The following VPS35 variants were observed in gnomAD, a reference collection of about 807,000 sequenced individuals.
VPS35 encodes VPS35 retromer complex component.
A neutral mutation model predicts 98.1 loss-of-function variants in VPS35; 21 were observed. The observed-to-expected ratio is 0.21, with a 90% CI of 0.15 to 0.31. The LOEUF (loss-of-function observed/expected upper bound fraction) is 0.31. Ranked by LOEUF, VPS35 falls within the 10% of genes least tolerant of loss-of-function variation. The probability of loss-of-function intolerance (pLI) is 1.00; values close to 1 mark genes in which losing one functional copy is unlikely to be tolerated. For synonymous variants in VPS35, 268 were observed against 318.2 expected (o/e 0.84, Z 1.68); for missense variants, 554 against 950.8 (o/e 0.58, Z 5.49).
At chr16:46,672,526 C>G in intron 10 of VPS35, 54 bp from the exon 11 acceptor site, 1 of 1,480,412 alleles carries the variant, frequency 6.8e-7, no homozygotes, top group African/African-American at 1.4e-5. Context: ...TCTATATACA[C>G]AAATAGCATT....
intron 6 of VPS35, among the ~76,000 whole-genome samples, chr16:46,678,175 T>C (rs2086958783): frequency 6.6e-6 from 1 of 152,230 alleles, no homozygotes; most frequent in Admixed American, 6.5e-5. Flanking sequence ...CACTTCCATA[T>C]TGCCTGTGGG....
chr16:46,688,894 A>C, intron 1 of VPS35: 3 of 1,448,514 alleles, frequency 2.1e-6, no homozygotes, highest in Non-Finnish European at 2.7e-6. Context: ...CCCCACAGAG[A>C]GGCCGCCCCG....
At chr16:46,671,888 A>G (rs753416142) in intron 11 of VPS35, 28 bp from the exon 12 acceptor site, 18 of 1,611,480 alleles carry the variant, frequency 1.1e-5, no homozygotes, top group Non-Finnish European at 1.4e-5. Context: ...CAAGAAACCC[A>G]CTGAGGTGAA....
At chr16:46,683,283 T>C in intron 2 of VPS35, 1 of 580,846 alleles carries the variant, frequency 1.7e-6, no homozygotes. Flanking sequence ...GCTTGTATTC[T>C]AGTAGGGAAG....
chr16:46,665,527 C>T (rs1965974889), intron 13 of VPS35, among the ~76,000 whole-genome samples: 1 of 149,136 alleles, frequency 6.7e-6, no homozygotes, highest in South Asian at 2.1e-4. Flanking sequence ...CCTAAGAGTT[C>T]GAAGCTGCAG....
At chr16:46,669,289 G>A (rs1966034573) in intron 12 of VPS35, 1 of 541,634 alleles carries the variant, frequency 1.8e-6, no homozygotes, top group Non-Finnish European at 3.3e-6. Flanking sequence ...TGTATAACCT[G>A]CCCAAGGTAG....
intron 5 of VPS35, 102 bp from the exon 6 acceptor site, chr16:46,679,258 GC>G: frequency 9.3e-7 from 1 of 1,076,948 alleles, no homozygotes; most frequent in East Asian, 2.6e-5. Flanking sequence ...GTACACCAAT[GC>G]TTTATAAAAA....
At chr16:46,680,923 C>G in intron 4 of VPS35, 70 bp from the exon 5 acceptor site, 1 of 1,453,264 alleles carries the variant, frequency 6.9e-7, no homozygotes, top group Non-Finnish European at 9.6e-7. Flanking sequence ...TCCAAACACA[C>G]TGAACAAAAC....
At position 46,683,548 on chromosome 16, in the gene VPS35, T is replaced by C. The variant is rs1192520905; in HGVS notation, c.62A>G (p.Gln21Arg). Reference sequence around the variant, plus strand: ...TTGGAATGACTGGACCTTCACAGCCTGTATGGCTTCATCCAAGAGCTTTTC... The same window carrying C: ...TTGGAATGACTGGACCTTCACAGCCCGTATGGCTTCATCCAAGAGCTTTTC... ...EQEKLLDEAI[Q>R]AVKVQSFQMK... The change falls in exon 2 of 17, where the codon CAG becomes CGG. Residue 21 changes from glutamine to arginine, a missense_variant. Physicochemically the swap from Gln to Arg is conservative, Grantham distance 43. Around this residue, in one of 5 missense-constraint regions of VPS35, gnomAD observed 67 missense variants for 103.3 expected, o/e 0.65. Transcript: ENST00000299138. 7 of 1,614,098 alleles carry C rather than the reference T, an allele frequency of 4.3e-6. No individual in the cohort carries two copies. The highest frequency in any genetic ancestry group is 2.2e-5 in the East Asian group (1 of 44,888).
In VPS35 at chr16:46,661,948, T is replaced by C. The variant is rs1965920369; in HGVS notation, c.2068-87A>G. ...GAAACACAACACTACCGTGGCTCTT[T>C]CGTGTTTTAAAGGGACATAACAAAT... On this transcript the variant is annotated intron_variant, in intron 15 of 16. Coordinates refer to ENST00000299138, the MANE Select transcript of VPS35 (RefSeq NM_018206.6). The surrounding 1 kb of genome is among the most constrained non-coding windows in gnomAD (Gnocchi z 4.3). 5 of 1,575,128 alleles carry C rather than the reference T, an allele frequency of 3.2e-6. No individual in the cohort carries two copies. The East Asian group carries it at 6.7e-5, about 21-fold the overall frequency.
At chr16:46,677,001 T>C (rs1966161375) in intron 7 of VPS35, among the ~76,000 whole-genome samples, 1 of 152,100 alleles carries the variant, frequency 6.6e-6, no homozygotes, top group South Asian at 2.1e-4. Context: ...AAAATTCCTA[T>C]TTTTAAATTA....
At chr16:46,676,522 A>C (rs1966155212) in intron 8 of VPS35, 61 bp downstream of exon 8, 1 of 1,028,526 alleles carries the variant, frequency 9.7e-7, no homozygotes, top group Non-Finnish European at 1.5e-6. Context: ...ATTCAAAAAA[A>C]TGTTTAAAAT....
At position 46,660,461 on chromosome 16, in the gene VPS35, C is replaced by T. The variant is rs189948577; in HGVS notation, c.*11G>A. 1.7e-4 allele frequency: 270 copies of T among 1,613,216 alleles called. 1 individual carries two copies. Among genetic ancestry groups the T allele is most frequent in the Non-Finnish European group, 1.6e-5 (19 of 1,179,978 alleles). Reference sequence around the variant, plus strand: ...TGTACATGGAAAGGAGTATGGTGAGCTATTTCCTTTTTAAAGGATGAGACC... The same window carrying T: ...TGTACATGGAAAGGAGTATGGTGAGTTATTTCCTTTTTAAAGGATGAGACC... On this transcript the variant is annotated 3_prime_UTR_variant, in exon 17 of 17. Coordinates refer to ENST00000299138, the MANE Select transcript of VPS35 (RefSeq NM_018206.6).
intron 13 of VPS35, among the ~76,000 whole-genome samples, 165 bp downstream of exon 13, chr16:46,668,765 T>A (rs1966025033): frequency 6.6e-6 from 1 of 152,190 alleles, no homozygotes; most frequent in African/African-American, 2.4e-5. Context: ...TAGGAACACT[T>A]AGCACAGGAT....
At chr16:46,678,812 A>T in intron 6 of VPS35, 131 bp downstream of exon 6, 1 of 880,254 alleles carries the variant, frequency 1.1e-6, no homozygotes, top group Non-Finnish European at 1.7e-6. Context: ...CTTTCCGTTT[A>T]AGTCTTCTTC....
rs1418954242 is a variant in VPS35 at position 46,685,538 on chromosome 16, AAAG to A, written c.4-1935_4-1933del. On this transcript the variant is annotated intron_variant, in intron 1 of 16. Transcript: ENST00000299138. Reference sequence around the variant, plus strand: ...TTCCTCAGAAGCACAAACAAATTTCAAAGAAGAAGTTAGGTATCTTTTAAACTT... The same window carrying A: ...TTCCTCAGAAGCACAAACAAATTTCAAAGAAGTTAGGTATCTTTTAAACTT... Among the ~76,000 whole-genome samples, 10 of 152,324 alleles carry A rather than the reference AAAG, an allele frequency of 6.6e-5. No homozygotes were observed. In the South Asian group the frequency reaches 8.3e-4, roughly 13 times the overall value.
intron 1 of VPS35, chr16:46,688,575 A>G (rs1966361320): frequency 1.0e-6 from 1 of 993,770 alleles, no homozygotes; most frequent in Non-Finnish European, 1.2e-6. Context: ...AAATTCATGT[A>G]AGCAGGTCCC....
intron 1 of VPS35, among the ~76,000 whole-genome samples, chr16:46,685,565 T>A (rs925003040): frequency 6.6e-6 from 1 of 152,166 alleles, no homozygotes; most frequent in Non-Finnish European, 1.5e-5. Context: ...TCTTTTAAAC[T>A]TCACTTAAAG....
intron 13 of VPS35, among the ~76,000 whole-genome samples, chr16:46,666,359 C>T (rs1227728841): frequency 6.6e-6 from 1 of 151,624 alleles, no homozygotes; most frequent in Non-Finnish European, 1.5e-5. Flanking sequence ...ACCTCTGCGT[C>T]CCGGGTTCAA....
Sources: allele counts gnomAD v4.1 joint callset (sites outside exome capture counted in the v4.1 genomes callset), GRCh38; gene constraint gnomAD v4.1.1; regional missense constraint gnomAD v4.1.1; non-coding constraint Gnocchi (gnomAD v3.1); transcripts MANE v1.5; gene names NCBI Gene and HGNC (gene_info 2026-07-23, HGNC 2026-07-21).